TBC1D19: variants seen among roughly 807,000 people sequenced by gnomAD.
TBC1D19 encodes the protein TBC1 domain family, member 19.
In TBC1D19, 60 loss-of-function variants were observed where a neutral mutation model predicts 89.0. The observed-to-expected ratio is 0.67, with a 90% CI of 0.55 to 0.84. The LOEUF (loss-of-function observed/expected upper bound fraction) is 0.84. Among genes scored for constraint, TBC1D19 ranks in the 40% least tolerant of loss-of-function variants. The probability of loss-of-function intolerance (pLI) is 0.00; values close to 1 mark genes in which losing one functional copy is unlikely to be tolerated. For synonymous variants in TBC1D19, 189 were observed against 199.7 expected (o/e 0.95, Z 0.45); for missense variants, 500 against 610.8 (o/e 0.82, Z 1.91).
chr4:26,763,242 A>T, the TBC1D19 span, among the ~76,000 whole-genome samples: 1 of 152,152 alleles, frequency 6.6e-6, no homozygotes, highest in Admixed American at 6.5e-5. Context: ...GGGCTCTTAA[A>T]ATTTAACCTG....
At chr4:26,719,477 G>T (rs1322560443) in intron 14 of TBC1D19, among the ~76,000 whole-genome samples, 1 of 152,042 alleles carries the variant, frequency 6.6e-6, no homozygotes, top group Non-Finnish European at 1.5e-5. Context: ...ATATTCAGTG[G>T]AAGGTGGAAA....
the TBC1D19 span, among the ~76,000 whole-genome samples, chr4:26,794,679 C>G: frequency 6.6e-6 from 1 of 152,146 alleles, no homozygotes; most frequent in Non-Finnish European, 1.5e-5. Context: ...CAGATGGTGT[C>G]ATAGCTGAGT....
chr4:26,841,692 C>T, the TBC1D19 span, among the ~76,000 whole-genome samples: 3 of 152,186 alleles, frequency 2.0e-5, no homozygotes, highest in Non-Finnish European at 2.9e-5. Flanking sequence ...ACTTACCCTA[C>T]GCGTATTTTT....
intron 7 of TBC1D19, among the ~76,000 whole-genome samples, chr4:26,659,369 G>A (rs1298478080): frequency 6.6e-6 from 1 of 151,648 alleles, no homozygotes; most frequent in Non-Finnish European, 1.5e-5. Context: ...GTTTTGTATT[G>A]TAGATCATTC....
chr4:26,678,601 A>T (rs1388506551), intron 11 of TBC1D19, among the ~76,000 whole-genome samples: 1 of 151,888 alleles, frequency 6.6e-6, no homozygotes. Flanking sequence ...GCATTTTTAT[A>T]TGAGATAACA....
chr4:26,820,211 T>A, the TBC1D19 span, among the ~76,000 whole-genome samples: 1 of 152,254 alleles, frequency 6.6e-6, no homozygotes, highest in African/African-American at 2.4e-5. Context: ...TTATGAAATA[T>A]GTGATACATT....
At chr4:26,630,337 C>A (rs1458261760) in intron 4 of TBC1D19, among the ~76,000 whole-genome samples, 4 of 151,972 alleles carry the variant, frequency 2.6e-5, no homozygotes, top group Non-Finnish European at 4.4e-5. Context: ...GTCTTCCTAT[C>A]TGAACATTTT....
chr4:26,828,694 C>T, the TBC1D19 span, among the ~76,000 whole-genome samples: 10 of 152,346 alleles, frequency 6.6e-5, no homozygotes, highest in Non-Finnish European at 1.0e-4. Flanking sequence ...TTGACCACTC[C>T]GTGCATCAGT....
intron 16 of TBC1D19, among the ~76,000 whole-genome samples, chr4:26,737,847 C>T (rs1439928243): frequency 6.6e-6 from 1 of 151,924 alleles, no homozygotes; most frequent in East Asian, 1.9e-4. Flanking sequence ...TAATGATAGG[C>T]TGTCATTAAA....
At chr4:26,817,819 T>A in the TBC1D19 span, among the ~76,000 whole-genome samples, 1 of 151,528 alleles carries the variant, frequency 6.6e-6, no homozygotes, top group African/African-American at 2.4e-5. Flanking sequence ...AATACAAAAA[T>A]TAGCCGGGCG....
chr4:26,679,153 G>A (rs900940209), intron 11 of TBC1D19, among the ~76,000 whole-genome samples: 3 of 152,190 alleles, frequency 2.0e-5, no homozygotes, highest in African/African-American at 7.2e-5. Context: ...TGGGGAAAAT[G>A]CCTCCAGGGC....
At chr4:26,818,370 G>T in the TBC1D19 span, among the ~76,000 whole-genome samples, 3 of 152,036 alleles carry the variant, frequency 2.0e-5, no homozygotes, top group Non-Finnish European at 4.4e-5. Flanking sequence ...TGAAACTACA[G>T]GCATGCACCA....
chr4:26,836,307 C>T, the TBC1D19 span, among the ~76,000 whole-genome samples: 2,868 of 152,282 alleles, frequency 0.019, 94 homozygotes, highest in African/African-American at 0.066. Context: ...CAGCTTCTAG[C>T]ACAGTGCCTG....
chr4:26,707,450 G>T (rs955908287), intron 13 of TBC1D19, among the ~76,000 whole-genome samples: 1 of 151,912 alleles, frequency 6.6e-6, no homozygotes, highest in Non-Finnish European at 1.5e-5. Flanking sequence ...ATCTCTTATA[G>T]ATCACATGTA....
chr4:26,782,755 A>T, the TBC1D19 span, among the ~76,000 whole-genome samples: 1 of 152,116 alleles, frequency 6.6e-6, no homozygotes, highest in East Asian at 1.9e-4. Context: ...TTAATAAAAC[A>T]AACAAAAGAG....
chr4:26,841,668 C>T, the TBC1D19 span, among the ~76,000 whole-genome samples: 1 of 152,184 alleles, frequency 6.6e-6, no homozygotes. Context: ...ACCAGAGCAT[C>T]TGGGAGAGTC....
the TBC1D19 span, among the ~76,000 whole-genome samples, chr4:26,762,993 G>A: frequency 4.6e-5 from 7 of 152,094 alleles, no homozygotes; most frequent in African/African-American, 1.4e-4. Context: ...CTCCTATGTG[G>A]GTCATAGTTT....
At chr4:26,698,934 A>T (rs1715059496) in intron 13 of TBC1D19, among the ~76,000 whole-genome samples, 1 of 152,228 alleles carries the variant, frequency 6.6e-6, no homozygotes, top group Non-Finnish European at 1.5e-5. Context: ...AGACAATACC[A>T]TTCAGGACAT....
chr4:26,645,003 T>C (rs1263059972), intron 7 of TBC1D19, among the ~76,000 whole-genome samples: 1 of 149,496 alleles, frequency 6.7e-6, no homozygotes, highest in African/African-American at 2.5e-5. Flanking sequence ...CTGCCCAAAG[T>C]GAGGCACAAA....
Sources: allele counts gnomAD v4.1 joint callset (sites outside exome capture counted in the v4.1 genomes callset), GRCh38; gene constraint gnomAD v4.1.1; transcripts MANE v1.5; gene names NCBI Gene and HGNC (gene_info 2026-07-23, HGNC 2026-07-21).